Variants in VKORC1L1 observed in about 807,000 individuals in gnomAD.
VKORC1L1 encodes vitamin K epoxide reductase complex subunit 1-like protein 1.
VKORC1L1 carries 2 observed loss-of-function variants against 18.9 expected under a neutral mutation model. The observed-to-expected ratio is 0.11, with a 90% CI of 0.04 to 0.33. VKORC1L1 has a LOEUF of 0.33. Among genes scored for constraint, VKORC1L1 ranks in the 10% least tolerant of loss-of-function variants. The probability of loss-of-function intolerance (pLI) is 1.00; values close to 1 mark genes in which losing one functional copy is unlikely to be tolerated. For missense variants in VKORC1L1, 123 were observed against 224.1 expected (o/e 0.55, Z 2.88); for synonymous variants, 96 against 100.0 (o/e 0.96, Z 0.24).
At chr7:65,886,401 A>C (rs977802979) in intron 1 of VKORC1L1, among the ~76,000 whole-genome samples, 32 of 152,136 alleles carry the variant, frequency 2.1e-4, no homozygotes, top group Admixed American at 1.3e-3. Context: ...TTATTTGAAA[A>C]ATGTTTCAGG....
chr7:65,927,356 C>T (rs530960763), intron 1 of VKORC1L1, among the ~76,000 whole-genome samples: 38 of 152,068 alleles, frequency 2.5e-4, no homozygotes, highest in Non-Finnish European at 4.7e-4. Flanking sequence ...GTACTAAAAT[C>T]CCAGAATTCA....
intron 1 of VKORC1L1, among the ~76,000 whole-genome samples, chr7:65,895,481 A>G (rs1789187004): frequency 4.2e-5 from 1 of 23,592 alleles, no homozygotes; most frequent in Non-Finnish European, 6.9e-5. Flanking sequence ...AAAAAAAAAA[A>G]TATATATATA....
intron 1 of VKORC1L1, 48 bp downstream of exon 1, chr7:65,873,613 G>T: frequency 6.9e-7 from 1 of 1,444,392 alleles, no homozygotes; most frequent in Non-Finnish European, 9.1e-7. Context: ...CGGGGCGAGG[G>T]TGGAGTCTCG....
Position 65,931,183 on chromosome 7 carries a change from G to T in VKORC1L1, c.195-17488G>T, listed in dbSNP as rs1314450985. Among the ~76,000 whole-genome samples, 7 of 148,626 alleles carry T rather than the reference G, an allele frequency of 4.7e-5. No homozygotes were observed. The South Asian group carries it at 1.1e-3, about 23-fold the overall frequency. ...TCATGAATGATATTGGTCTGTGGTGGTTTTTTTTTTCCTTTTTTTCTTTTA... is the reference window on the plus strand; with the variant it reads ...TCATGAATGATATTGGTCTGTGGTGTTTTTTTTTTTCCTTTTTTTCTTTTA... On this transcript the variant is annotated intron_variant, in intron 1 of 2. Transcript: ENST00000360768.
chr7:65,891,563 C>T (rs1789111791), intron 1 of VKORC1L1, among the ~76,000 whole-genome samples: 1 of 152,150 alleles, frequency 6.6e-6, no homozygotes, highest in African/African-American at 2.4e-5. Flanking sequence ...CCCTCCCTGC[C>T]CCATACCTGT....
intron 1 of VKORC1L1, among the ~76,000 whole-genome samples, chr7:65,909,954 G>C (rs541792569): frequency 6.6e-6 from 1 of 152,142 alleles, no homozygotes; most frequent in Non-Finnish European, 1.5e-5. Flanking sequence ...CTGACCTCGT[G>C]ATCCACCCAC....
chr7:65,899,107 T>G (rs1423616612), intron 1 of VKORC1L1, among the ~76,000 whole-genome samples: 2 of 152,254 alleles, frequency 1.3e-5, no homozygotes, highest in Non-Finnish European at 2.9e-5. Flanking sequence ...GTCTTATTCA[T>G]TTCAACCAAT....
intron 1 of VKORC1L1, among the ~76,000 whole-genome samples, chr7:65,880,923 CT>C (rs1562980923): frequency 1.3e-5 from 2 of 152,162 alleles, no homozygotes; most frequent in Admixed American, 1.3e-4. Flanking sequence ...TTGAGGATCC[CT>C]AATCCGAAAA....
intron 1 of VKORC1L1, among the ~76,000 whole-genome samples, chr7:65,948,064 A>G (rs192134315): frequency 1.2e-3 from 188 of 152,324 alleles, no homozygotes; most frequent in Non-Finnish European, 2.3e-3. Flanking sequence ...CAACTTTTCA[A>G]TCTATATTCT....
rs1481881042 is a variant in VKORC1L1, at chr7:65,956,310, A to G, written c.*2010A>G. 6.6e-6 allele frequency: 1 copy of G among 152,150 alleles called. No homozygotes were observed. The highest frequency in any genetic ancestry group is 2.1e-4 in the South Asian group (1 of 4,828). 9.4% of individuals were successfully genotyped at this position (152,150 alleles called of 1,614,324 possible). ...CAGTGGAAATGGCCTAATGGTTAAAACTGTGGTATACATGACATCGGTTGT... is the reference window on the plus strand; with the variant it reads ...CAGTGGAAATGGCCTAATGGTTAAAGCTGTGGTATACATGACATCGGTTGT... On this transcript the variant is annotated 3_prime_UTR_variant, in exon 3 of 3. Coordinates refer to ENST00000360768, the MANE Select transcript of VKORC1L1 (RefSeq NM_173517.6).
At chr7:65,890,629 A>G (rs1789096528) in intron 1 of VKORC1L1, among the ~76,000 whole-genome samples, 1 of 152,224 alleles carries the variant, frequency 6.6e-6, no homozygotes, top group Admixed American at 6.5e-5. Flanking sequence ...TACTGCAGCT[A>G]TAAACATTTT....
the VKORC1L1 span, among the ~76,000 whole-genome samples, chr7:65,866,023 G>C: frequency 6.6e-6 from 1 of 152,134 alleles, no homozygotes; most frequent in Non-Finnish European, 1.5e-5. Flanking sequence ...GAGGGGCTAA[G>C]AAGGGCACTT....
intron 1 of VKORC1L1, among the ~76,000 whole-genome samples, chr7:65,940,705 G>A (rs1215385801): frequency 6.6e-6 from 1 of 152,310 alleles, no homozygotes; most frequent in Non-Finnish European, 1.5e-5. Flanking sequence ...GTATTGCTCA[G>A]AAGGGGTTCA....
At chr7:65,870,291 G>A (rs1272213182), upstream of VKORC1L1, among the ~76,000 whole-genome samples, 13 of 150,420 alleles carry the variant, frequency 8.6e-5, no homozygotes, top group Middle Eastern at 3.5e-3. Flanking sequence ...AAAGCCAGGC[G>A]TGGTGGTGCA....
In VKORC1L1 at chr7:65,955,269, G is replaced by C. The variant is rs1369908247; in HGVS notation, c.*969G>C. ...TTTCCTTAACGTTGGTGCCAGTCAA[G>C]CAAAGAGTATTATGATGGAAAAGAC... is the stretch of plus-strand genomic sequence containing the variant. On this transcript the variant is annotated 3_prime_UTR_variant, in exon 3 of 3. Transcript: ENST00000360768. 1 of 152,190 alleles carries C rather than the reference G, an allele frequency of 6.6e-6. No homozygotes were observed. Among genetic ancestry groups the C allele is most frequent in the Non-Finnish European group, 1.5e-5 (1 of 68,042 alleles). The allele number at this position is 152,190 out of a possible 1,614,324, so 9.4% of individuals were successfully genotyped here. A position where few individuals can be genotyped will look rare whatever the true frequency, so the allele number is the denominator to read the frequency against.
At chr7:65,930,827 G>A (rs770235652) in intron 1 of VKORC1L1, among the ~76,000 whole-genome samples, 15 of 151,964 alleles carry the variant, frequency 9.9e-5, no homozygotes, top group East Asian at 1.9e-4. Flanking sequence ...AAAGAATTTC[G>A]TCTTTCCCCA....
intron 1 of VKORC1L1, among the ~76,000 whole-genome samples, chr7:65,875,736 A>G (rs1788816918): frequency 6.6e-6 from 1 of 152,168 alleles, no homozygotes; most frequent in Admixed American, 6.6e-5. Flanking sequence ...CTTTAAATGA[A>G]AGCTGATTAT....
chr7:65,923,576 C>T (rs1022376496), intron 1 of VKORC1L1, among the ~76,000 whole-genome samples: 2 of 152,068 alleles, frequency 1.3e-5, no homozygotes, highest in Admixed American at 1.3e-4. Flanking sequence ...TATGGAAACA[C>T]ACCTCCAAGA....
At chr7:65,867,382 A>C in the VKORC1L1 span, among the ~76,000 whole-genome samples, 3 of 152,170 alleles carry the variant, frequency 2.0e-5, no homozygotes, top group African/African-American at 4.8e-5. Context: ...GAAAAGCTAG[A>C]AGGGAATGAG....
Sources: gnomAD v4.1 joint callset for allele counts (sites outside exome capture counted in the v4.1 genomes callset) on GRCh38, gnomAD v4.1.1 for gene constraint, MANE v1.5 for transcripts, NCBI Gene and HGNC (gene_info 2026-07-23, HGNC 2026-07-21) for gene names.